Variants in CORO2B observed in about 807,000 individuals in gnomAD.
The protein encoded by CORO2B is coronin-2B.
In CORO2B, 26 loss-of-function variants were observed where a neutral mutation model predicts 58.8. That is an observed-to-expected ratio of 0.44 (90% confidence interval 0.32 to 0.61). The LOEUF is 0.61. CORO2B is among the 20% of genes least tolerant of loss of function. The pLI, the probability that CORO2B is intolerant of heterozygous loss-of-function variation, is 0.04. For missense variants in CORO2B, 460 were observed against 645.1 expected, an observed-to-expected ratio of 0.71 and a Z score of 3.11; for synonymous variants, 242 against 253.8, an observed-to-expected ratio of 0.95 and a Z score of 0.44.
At chr15:68,672,607 C>T (rs368924940) in intron 2 of CORO2B, among the ~76,000 whole-genome samples, 1 of 152,196 alleles carries the variant, frequency 6.6e-6, no homozygotes, top group East Asian at 1.9e-4. Flanking sequence ...ACAGAAATGT[C>T]TGAGGACAGT....
At chr15:68,600,529 C>G (rs1490625155) in intron 1 of CORO2B, among the ~76,000 whole-genome samples, 2 of 152,164 alleles carry the variant, frequency 1.3e-5, no homozygotes, top group Non-Finnish European at 2.9e-5. Flanking sequence ...ACAAAGCGGT[C>G]TTTGTTAACA....
At chr15:68,628,521 C>G (rs1455058328) in intron 1 of CORO2B, among the ~76,000 whole-genome samples, 2 of 152,184 alleles carry the variant, frequency 1.3e-5, no homozygotes, top group African/African-American at 4.8e-5. Flanking sequence ...ATCTCTTTAT[C>G]CATTTTGTAA....
intron 1 of CORO2B, 73 bp downstream of exon 1, chr15:68,579,350 CG>C (rs1247628014): frequency 8.2e-6 from 10 of 1,222,982 alleles, no homozygotes; most frequent in South Asian, 3.3e-5. Flanking sequence ...GCGGGGGGCG[CG>C]GGGGTGTGGG....
chr15:68,628,409 C>T (rs1566989274), intron 1 of CORO2B, among the ~76,000 whole-genome samples: 1 of 152,138 alleles, frequency 6.6e-6, no homozygotes, highest in Non-Finnish European at 1.5e-5. Flanking sequence ...CACTGGGTTG[C>T]GATGAAGACT....
chr15:68,639,624 TA>T (rs1901143105), intron 1 of CORO2B, among the ~76,000 whole-genome samples: 3 of 152,206 alleles, frequency 2.0e-5, no homozygotes, highest in African/African-American at 7.2e-5. Flanking sequence ...GAAGGCAATC[TA>T]ATTCCATTCA....
At chr15:68,681,911 G>C (rs1372116958) in intron 2 of CORO2B, among the ~76,000 whole-genome samples, 2 of 152,162 alleles carry the variant, frequency 1.3e-5, no homozygotes, top group African/African-American at 2.4e-5. Context: ...AAAGGGTTTA[G>C]GGGCTTCATA....
chr15:68,640,336 A>G (rs760386954), intron 1 of CORO2B, among the ~76,000 whole-genome samples: 1 of 152,200 alleles, frequency 6.6e-6, no homozygotes, highest in Non-Finnish European at 1.5e-5. Context: ...CAAGTAACTG[A>G]TAATGGAGAC....
the CORO2B span, among the ~76,000 whole-genome samples, chr15:68,560,670 C>T: frequency 6.6e-6 from 1 of 152,308 alleles, no homozygotes; most frequent in East Asian, 1.9e-4. Flanking sequence ...AAGCACTGTC[C>T]TCCACATACA....
intron 1 of CORO2B, among the ~76,000 whole-genome samples, chr15:68,600,127 TA>T (rs1252374598): frequency 1.3e-5 from 2 of 152,216 alleles, no homozygotes; most frequent in Non-Finnish European, 2.9e-5. Flanking sequence ...CCCACAGCCT[TA>T]TTGTTGGCTG....
At chr15:68,570,413 G>T in the CORO2B span, among the ~76,000 whole-genome samples, 3 of 152,134 alleles carry the variant, frequency 2.0e-5, no homozygotes, top group Non-Finnish European at 4.4e-5. Context: ...GGTAATGCTG[G>T]CCCCATAGAA....
At chr15:68,718,839 G>A in intron 9 of CORO2B, 29 bp downstream of exon 9, 1 of 1,568,266 alleles carries the variant, frequency 6.4e-7, no homozygotes, top group South Asian at 1.1e-5. Context: ...GGCTCCAGGA[G>A]GGGGGCCTGC....
chr15:68,718,896 C>T, intron 9 of CORO2B, 86 bp downstream of exon 9: 1 of 1,209,998 alleles, frequency 8.3e-7, no homozygotes, highest in Non-Finnish European at 1.2e-6. Flanking sequence ...TGGAGAAACC[C>T]AGGTGAGAGA....
chr15:68,546,301 C>T, the CORO2B span, among the ~76,000 whole-genome samples: 1 of 152,156 alleles, frequency 6.6e-6, no homozygotes. Context: ...ATTCCACCAT[C>T]CAGTTGCAAT....
chr15:68,583,402 G>A (rs952371490), intron 1 of CORO2B, among the ~76,000 whole-genome samples: 1 of 152,182 alleles, frequency 6.6e-6, no homozygotes, highest in Non-Finnish European at 1.5e-5. Context: ...CTGGCACCTC[G>A]GTCCTGACTC....
Position 68,719,205 on chromosome 15 carries a change from C to T in CORO2B, c.1142C>T (p.Pro381Leu), listed in dbSNP as rs1596038953. Residue 381 changes from proline to leucine, a missense_variant, in exon 10 of 12, where the codon CCG (proline) becomes CTG (leucine). Coordinates refer to ENST00000261861, the MANE Select transcript of CORO2B (RefSeq NM_006091.5). Reference sequence around the variant, plus strand: ...CCAGGCACGGAGCCAGCACTGACCCCGGATGAATGGCTGGGAGGCATCAAC... The same window carrying T: ...CCAGGCACGGAGCCAGCACTGACCCTGGATGAATGGCTGGGAGGCATCAAC... ...MTPGTEPALT[P>L]DEWLGGINRD... The T allele has an allele frequency of 5.0e-6, 8 of 1,614,080 alleles. No individual in the cohort carries two copies. Among genetic ancestry groups the T allele is most frequent in the East Asian group, 2.2e-5 (1 of 44,880 alleles).
chr15:68,531,033 C>T, the CORO2B span, among the ~76,000 whole-genome samples: 4 of 152,116 alleles, frequency 2.6e-5, no homozygotes, highest in Non-Finnish European at 5.9e-5. Context: ...CTGTGGCTTA[C>T]AATATATATC....
chr15:68,634,826 A>G (rs1900976323), intron 1 of CORO2B, among the ~76,000 whole-genome samples: 2 of 152,218 alleles, frequency 1.3e-5, no homozygotes, highest in South Asian at 2.1e-4. Context: ...ACCGTGTTCA[A>G]CCATAGATTC....
the CORO2B span, among the ~76,000 whole-genome samples, chr15:68,565,526 AAT>A: frequency 1.3e-5 from 2 of 150,326 alleles, no homozygotes; most frequent in African/African-American, 4.9e-5. Flanking sequence ...TTCAAATAAA[AAT>A]AAATATATAT....
chr15:68,556,152 C>T, the CORO2B span, among the ~76,000 whole-genome samples: 1 of 152,178 alleles, frequency 6.6e-6, no homozygotes. Context: ...GAAGGGAGAG[C>T]CACTCATCTC....
Sources: gnomAD v4.1 joint callset for allele counts (sites outside exome capture counted in the v4.1 genomes callset) on GRCh38, gnomAD v4.1.1 for gene constraint, MANE v1.5 for transcripts, NCBI Gene and HGNC (gene_info 2026-07-23, HGNC 2026-07-21) for gene names.